Variants in UTP4 observed in about 807,000 individuals in gnomAD.
UTP4 encodes the protein U3 small nucleolar RNA-associated protein 4 homolog.
A neutral mutation model predicts 82.4 loss-of-function variants in UTP4; 45 were observed. The ratio of observed to expected loss-of-function variants is 0.55; its 90% confidence interval spans 0.43 to 0.70. The LOEUF is 0.70. Among genes scored for constraint, UTP4 ranks in the 30% least tolerant of loss-of-function variants. The pLI is 0.00. For synonymous variants in UTP4, 348 were observed against 300.3 expected, an observed-to-expected ratio of 1.16 and a Z score of -1.64; for missense variants, 819 against 858.3, an observed-to-expected ratio of 0.95 and a Z score of 0.57.
rs764505153 is a variant in UTP4, at chr16:69,150,766, G to A, written c.911-47G>A. 13 of 1,613,358 alleles carry A rather than the reference G, an allele frequency of 8.1e-6. No individual in the cohort carries two copies. In the East Asian group the frequency reaches 8.9e-5, roughly 11 times the overall value. Reference sequence around the variant, plus strand: ...ACCCTGCCCAGTTCTGGCTGTTCTCGTGAGGATGACTTCTAATTCTGTACA... The same window carrying A: ...ACCCTGCCCAGTTCTGGCTGTTCTCATGAGGATGACTTCTAATTCTGTACA... On this transcript the variant is annotated intron_variant, in intron 7 of 16. Transcript: ENST00000314423.
chr16:69,140,940 CTT>C (rs140628510), intron 5 of UTP4, among the ~76,000 whole-genome samples: 3,023 of 152,268 alleles, frequency 0.02, 26 homozygotes, highest in Non-Finnish European at 0.026. Flanking sequence ...TATATTATAA[CTT>C]TGTTCAAATT....
At chr16:69,165,666 T>G in intron 15 of UTP4, 140 bp downstream of exon 15, 3 of 770,364 alleles carry the variant, frequency 3.9e-6, no homozygotes, top group Non-Finnish European at 6.7e-6. Context: ...GTACATTTCT[T>G]GGAGGAGAGG....
In UTP4 at chr16:69,136,770, G is replaced by T. The variant is rs1413668355; in HGVS notation, c.234G>T (p.Gly78=). The part of the protein sequence containing the change: ...WAEGQRLFSA[G]LNGEIMEYDL... ...AAGGACAGCGACTCTTTAGTGCTGG[G>T]CTCAATGGCGAGATTATGGAGTATG... The change falls in exon 3 of 17, where the codon GGG becomes GGT. Residue 78 remains glycine (G), a synonymous_variant. Coordinates refer to ENST00000314423, the MANE Select transcript of UTP4 (RefSeq NM_032830.3). The T allele has an allele frequency of 6.2e-7, 1 of 1,614,024 alleles. No individual in the cohort carries two copies. Among genetic ancestry groups the T allele is most frequent in the East Asian group, 2.2e-5 (1 of 44,894 alleles).
intron 6 of UTP4, among the ~76,000 whole-genome samples, chr16:69,147,561 A>G (rs984850551): frequency 6.6e-6 from 1 of 152,168 alleles, no homozygotes; most frequent in Non-Finnish European, 1.5e-5. Context: ...AGGTACAAGT[A>G]CAGGTTGAGT....
At chr16:69,134,873 G>C (rs945947972) in intron 2 of UTP4, among the ~76,000 whole-genome samples, 1 of 151,180 alleles carries the variant, frequency 6.6e-6, no homozygotes, top group African/African-American at 2.4e-5. Context: ...TTTTCATAGA[G>C]ACGAGGTTTC....
At chr16:69,138,040 C>T in intron 4 of UTP4, 155 bp downstream of exon 4, 1 of 654,166 alleles carries the variant, frequency 1.5e-6, no homozygotes, top group Non-Finnish European at 2.7e-6. Flanking sequence ...CCAGCCCAGG[C>T]TTTACCCATT....
intron 2 of UTP4, among the ~76,000 whole-genome samples, chr16:69,136,024 T>C (rs9940899): frequency 0.32 from 48,132 of 152,074 alleles, 8,235 homozygotes; most frequent in African/African-American, 0.44. Flanking sequence ...AGCGAAACTC[T>C]GTCTCCAAAA....
chr16:69,138,567 T>C (rs1486495822), intron 4 of UTP4, among the ~76,000 whole-genome samples: 1 of 152,214 alleles, frequency 6.6e-6, no homozygotes, highest in African/African-American at 2.4e-5. Flanking sequence ...ATCCTTCTGG[T>C]GCATTCAAGT....
At chr16:69,134,875 C>G (rs1443981775) in intron 2 of UTP4, among the ~76,000 whole-genome samples, 1 of 151,216 alleles carries the variant, frequency 6.6e-6, no homozygotes, top group African/African-American at 2.4e-5. Context: ...TTCATAGAGA[C>G]GAGGTTTCAC....
At chr16:69,163,713 A>G (rs1314840506) in intron 14 of UTP4, among the ~76,000 whole-genome samples, 1 of 151,770 alleles carries the variant, frequency 6.6e-6, no homozygotes, top group Non-Finnish European at 1.5e-5. Flanking sequence ...GCTGCGGAAT[A>G]TATTAGGAAG....
chr16:69,157,151 T>C lies in UTP4; in HGVS notation c.1355T>C (p.Leu452Pro). ...TTGTTTTCTGAAGATTCAACAAAGC[T>C]CTTTGTAGCATCAAATCAAGGAGCT... Reference protein sequence around the residue: ...QILFSEDSTKLFVASNQGALH... With the variant: ...QILFSEDSTKPFVASNQGALH... Residue 452 changes from leucine (L) to proline (P), a missense_variant, in exon 12 of 17, where the codon CTC becomes CCC. Coordinates refer to ENST00000314423, the MANE Select transcript of UTP4 (RefSeq NM_032830.3). The C allele has an allele frequency of 2.5e-6, 4 of 1,614,202 alleles. No individual in the cohort carries two copies. Among genetic ancestry groups the C allele is most frequent in the Non-Finnish European group, 3.4e-6 (4 of 1,180,032 alleles).
chr16:69,154,444 A>G lies in UTP4; in HGVS notation c.1151A>G (p.His384Arg). 1 of 1,612,138 alleles carries G rather than the reference A, an allele frequency of 6.2e-7. No individual in the cohort carries two copies. Among genetic ancestry groups the G allele is most frequent in the South Asian group, 1.1e-5 (1 of 91,012 alleles). Residue 384 changes from histidine to arginine, a missense_variant, in exon 10 of 17, where the codon CAC becomes CGC. His to Arg is a conservative substitution (Grantham distance 29). Transcript: ENST00000314423. ...PLSKNADHLL[H>R]LKTKGPENII... is the part of the protein sequence containing the mutation. ...TCTAAAAATGCAGATCATTTACTGC[A>G]CCTAAAGACAAAGGTAAGGAAGTTT... is the stretch of plus-strand genomic sequence containing the variant.
At chr16:69,139,376 C>T (rs1295182585) in intron 4 of UTP4, among the ~76,000 whole-genome samples, 2 of 152,004 alleles carry the variant, frequency 1.3e-5, no homozygotes, top group African/African-American at 2.4e-5. Context: ...CGATGGCTTA[C>T]ACCTGTAATC....
At chr16:69,156,053 G>A in intron 11 of UTP4, 60 bp downstream of exon 11, 2 of 1,560,382 alleles carry the variant, frequency 1.3e-6, no homozygotes, top group Non-Finnish European at 1.8e-6. Context: ...TGTCATTTTT[G>A]TGTGAAGTGG....
chr16:69,163,591 T>G (rs144772879), intron 14 of UTP4, among the ~76,000 whole-genome samples: 1 of 152,072 alleles, frequency 6.6e-6, no homozygotes, highest in Non-Finnish European at 1.5e-5. Flanking sequence ...CAAGCCCTAA[T>G]AAGATCAGGT....
At chr16:69,158,859 C>T (rs762836921) in intron 12 of UTP4, among the ~76,000 whole-genome samples, 14 of 152,064 alleles carry the variant, frequency 9.2e-5, no homozygotes, top group Non-Finnish European at 1.5e-4. Context: ...ACATGCAGCA[C>T]GCATTTTGGC....
chr16:69,152,311 G>A (rs1963293157), intron 8 of UTP4, among the ~76,000 whole-genome samples: 1 of 151,674 alleles, frequency 6.6e-6, no homozygotes, highest in Admixed American at 6.6e-5. Context: ...TTTGAGACAA[G>A]GTCTTGCTCC....
intron 4 of UTP4, 146 bp from the exon 5 acceptor site, chr16:69,139,678 AT>A (rs1191431573): frequency 9.7e-6 from 3 of 308,840 alleles, no homozygotes; most frequent in African/African-American, 6.8e-5. Context: ...AAATAAATAA[AT>A]AAATAAAATG....
intron 5 of UTP4, among the ~76,000 whole-genome samples, chr16:69,140,166 G>A (rs1962919998): frequency 6.6e-6 from 1 of 152,090 alleles, no homozygotes; most frequent in African/African-American, 2.4e-5. Context: ...AAAATACTCT[G>A]AACTAGTACA....
Sources: gnomAD v4.1 joint callset for allele counts (sites outside exome capture counted in the v4.1 genomes callset) on GRCh38, gnomAD v4.1.1 for gene constraint, MANE v1.5 for transcripts, NCBI Gene and HGNC (gene_info 2026-07-23, HGNC 2026-07-21) for gene names.